The following PAQR3 variants were observed in gnomAD, a reference collection of about 807,000 sequenced individuals.
The protein encoded by PAQR3 is Raf kinase trapping to Golgi.
PAQR3 carries 39 observed loss-of-function variants against 41.7 expected under a neutral mutation model. The ratio of observed to expected loss-of-function variants is 0.93; its 90% CI spans 0.72 to 1.22. PAQR3 has a LOEUF of 1.22. Ranked by LOEUF, PAQR3 falls within the 50% of genes most tolerant of loss-of-function variation. PAQR3 has a pLI of 0.00. For missense variants in PAQR3, 366 were observed against 385.6 expected, an observed-to-expected ratio of 0.95 and a Z score of 0.42; for synonymous variants, 140 against 140.6, an observed-to-expected ratio of 1.00 and a Z score of 0.03.
chr4:78,928,062 A>G (rs1272895020), intron 3 of PAQR3, among the ~76,000 whole-genome samples: 1 of 152,260 alleles, frequency 6.6e-6, no homozygotes, highest in Non-Finnish European at 1.5e-5. Flanking sequence ...TATCAGCTTC[A>G]GCAGTTCCCT....
intron 11 of PAQR3, among the ~76,000 whole-genome samples, chr4:78,891,352 A>G (rs1440911408): frequency 6.6e-6 from 1 of 152,060 alleles, no homozygotes; most frequent in Non-Finnish European, 1.5e-5. Context: ...CTTGTTCTGA[A>G]TATTCAAGAT....
At chr4:78,904,518 A>G (rs1030347426) in intron 11 of PAQR3, among the ~76,000 whole-genome samples, 1 of 151,930 alleles carries the variant, frequency 6.6e-6, no homozygotes, top group Admixed American at 6.6e-5. Flanking sequence ...TTAAAACTTT[A>G]TAACCTATCA....
chr4:78,938,160 T>C (rs1019475483), intron 1 of PAQR3, among the ~76,000 whole-genome samples: 2 of 152,248 alleles, frequency 1.3e-5, no homozygotes, highest in Non-Finnish European at 2.9e-5. Context: ...ACAGCCCACA[T>C]TCTGGCACTA....
exon 13 of PAQR3, chr4:78,887,139 T>G (rs1216480047): frequency 1.5e-6 from 2 of 1,363,346 alleles, no homozygotes; most frequent in African/African-American, 2.9e-5. Flanking sequence ...TTTATTTCAT[T>G]TCATTTTTTA....
At position 78,914,006 on chromosome 4, in the gene PAQR3, A is replaced by G. The variant is rs2110115891; in HGVS notation, c.*6533T>C. On this transcript the variant is annotated 3_prime_UTR_variant, in exon 6 of 6. Transcript: ENST00000512733. ...TAGATTCAAGTGATACTTTCTTTTA[A>G]AAGTGAAGAGTTGATGATTACACAT... 6.6e-6 allele frequency: 1 copy of G among 152,202 alleles called. No individual in the cohort carries two copies. Among genetic ancestry groups the G allele is most frequent in the South Asian group, 2.1e-4 (1 of 4,822 alleles). The allele number at this position is 152,202 out of a possible 1,614,324, so 9.4% of individuals were successfully genotyped here.
rs552396058 is a variant in PAQR3 at position 78,893,795 on chromosome 4, C to T, written c.*837-5647G>A. 5.5e-4 allele frequency among the ~76,000 whole-genome samples: 84 copies of T among 152,270 alleles called. 1 individual carries two copies. Among genetic ancestry groups the T allele is most frequent in the African/African-American group, 2.0e-3 (82 of 41,566 alleles). ...GCCCAGGTTCGTCTTGAACTCCTGG[C>T]CTCAAGCAGCCCTCTCACCTCAACC... On this transcript the variant is annotated intron_variant and NMD_transcript_variant, in intron 11 of 12. Transcript: ENST00000342820.
In PAQR3 at chr4:78,926,610, TAGAA is replaced by T; in HGVS notation, c.609_612del (p.Ile205SerfsTer10). ...TATCCCGAAACAGAACAAAAGATGA[TAGAA>T]CGGAGCCTTTGCCATTGCTGCGTGA... is the stretch of plus-strand genomic sequence containing the variant. On this transcript the variant is annotated frameshift_variant, in exon 4 of 6. Coordinates refer to ENST00000512733, the MANE Select transcript of PAQR3 (RefSeq NM_001040202.2). LOFTEE classifies it high-confidence loss of function. 1 of 1,613,900 alleles carries T rather than the reference TAGAA, an allele frequency of 6.2e-7. No homozygotes were observed. The highest frequency in any genetic ancestry group is 1.3e-5 in the African/African-American group (1 of 75,010).
chr4:78,897,461 G>A (rs547516032), intron 11 of PAQR3, among the ~76,000 whole-genome samples: 1 of 152,116 alleles, frequency 6.6e-6, no homozygotes, highest in African/African-American at 2.4e-5. Context: ...AATTTATAAT[G>A]AAAAATTAAC....
At chr4:78,895,925 C>CTAATTTTT (rs1733678628) in intron 11 of PAQR3, among the ~76,000 whole-genome samples, 1 of 151,974 alleles carries the variant, frequency 6.6e-6, no homozygotes, top group African/African-American at 2.4e-5. Context: ...CCTCGCCCAG[C>CTAATTTTT]TAATTTTTTA....
At chr4:78,890,404 G>GCACACACACACA (rs149825379) in intron 11 of PAQR3, among the ~76,000 whole-genome samples, 35 of 147,968 alleles carry the variant, frequency 2.4e-4, no homozygotes, top group African/African-American at 8.1e-4. Context: ...ACAATCATGC[G>GCACACACACACA]CACACACACA....
At position 78,915,662 on chromosome 4, in the gene PAQR3, A is replaced by G. The variant is rs981230001; in HGVS notation, c.*4877T>C. 3.3e-5 allele frequency: 5 copies of G among 151,898 alleles called. No homozygotes were observed. The highest frequency in any genetic ancestry group is 1.2e-4 in the African/African-American group (5 of 41,406). The allele number at this position is 151,898 out of a possible 1,614,324, so 9.4% of individuals were successfully genotyped here. On this transcript the variant is annotated 3_prime_UTR_variant, in exon 6 of 6. Transcript: ENST00000512733. ...ACACACATGCATGTCACATCTCTCT[A>G]CTGTGGAGTTAATGTGAATTTTTAA...
In PAQR3 at chr4:78,891,786, G is replaced by T. The variant is rs188444840; in HGVS notation, c.*837-3638C>A. Among the ~76,000 whole-genome samples, 393 of 152,232 alleles carry T rather than the reference G, an allele frequency of 2.6e-3. 1 individual carries two copies. Among genetic ancestry groups the T allele is most frequent in the Non-Finnish European group, 4.4e-3 (302 of 67,992 alleles). On this transcript the variant is annotated intron_variant and NMD_transcript_variant, in intron 11 of 12. Coordinates refer to the PAQR3 transcript ENST00000342820. Reference sequence around the variant, plus strand: ...GTAAATTATTTTCTTCCCAGAGAAGGTAGCCTTAAACTGAGACCTGAAGGA... The same window carrying T: ...GTAAATTATTTTCTTCCCAGAGAAGTTAGCCTTAAACTGAGACCTGAAGGA...
chr4:78,905,185 T>C (rs763874902), intron 11 of PAQR3, among the ~76,000 whole-genome samples: 2 of 151,898 alleles, frequency 1.3e-5, no homozygotes, highest in Non-Finnish European at 2.9e-5. Context: ...TTTACAGATA[T>C]TGGTTGATCA....
Position 78,919,957 on chromosome 4 carries a change from A to C in PAQR3, c.*582T>G, listed in dbSNP as rs1260950436. 2 of 985,320 alleles carry C rather than the reference A, an allele frequency of 2.0e-6. No individual in the cohort carries two copies. Among genetic ancestry groups the C allele is most frequent in the Non-Finnish European group, 2.4e-6 (2 of 829,578 alleles). The allele number at this position is 985,320 out of a possible 1,614,324, so 61.0% of individuals were successfully genotyped here. ...GAAGTTTAAAGCTTTTGTTCTGGAA[A>C]ACTAAAATATCTAATGTTCTTAGGG... On this transcript the variant is annotated 3_prime_UTR_variant, in exon 6 of 6. Transcript: ENST00000512733.
rs960774633 is a variant in PAQR3, at chr4:78,913,408, A to G, written c.*7131T>C. Reference sequence around the variant, plus strand: ...AATCATTTAATGATAGAGATTACATATGTGAATTAATGTGAATATAGTATC... The same window carrying G: ...AATCATTTAATGATAGAGATTACATGTGTGAATTAATGTGAATATAGTATC... On this transcript the variant is annotated 3_prime_UTR_variant, in exon 6 of 6. Transcript: ENST00000512733. The G allele has an allele frequency of 9.9e-5, 15 of 152,148 alleles. 1 individual carries two copies. Among genetic ancestry groups the G allele is most frequent in the Admixed American group, 2.0e-4 (3 of 15,278 alleles). 9.4% of individuals were successfully genotyped at this position (152,148 alleles called of 1,614,324 possible). A position where few individuals can be genotyped will look rare whatever the true frequency, so the allele number is the denominator to read the frequency against.
chr4:78,915,481 T>C lies in PAQR3; in HGVS notation c.*5058A>G, dbSNP rs1734964242. 1 of 151,958 alleles carries C rather than the reference T, an allele frequency of 6.6e-6. No homozygotes were observed. The highest frequency in any genetic ancestry group is 3.2e-3 in the Middle Eastern group (1 of 316). 9.4% of individuals were successfully genotyped at this position (151,958 alleles called of 1,614,324 possible). A position where few individuals can be genotyped will look rare whatever the true frequency, so the allele number is the denominator to read the frequency against. On this transcript the variant is annotated 3_prime_UTR_variant, in exon 6 of 6. Transcript: ENST00000512733. ...AACTTTTTTCTCATTTTTTTTTCTT[T>C]TTAGCAAACTTGTTATTTTAGGTCC...
At position 78,933,366 on chromosome 4, in the gene PAQR3, A is replaced by G. The variant is rs148606144; in HGVS notation, c.348+1755T>C. 150 of 432,852 alleles carry G rather than the reference A, an allele frequency of 3.5e-4. 1 individual carries two copies. The East Asian group carries it at 8.1e-3, about 23-fold the overall frequency. The allele number at this position is 432,852 out of a possible 1,614,324, so 26.8% of individuals were successfully genotyped here. On this transcript the variant is annotated intron_variant, in intron 2 of 5. Transcript: ENST00000512733. ...GGAAGGTTCAAAGCCCCTCAATTAC[A>G]TTCTATTGTTCAGAATGTACTCTAT...
chr4:78,906,913 G>C (rs1235639241), downstream of PAQR3, among the ~76,000 whole-genome samples: 1 of 152,082 alleles, frequency 6.6e-6, no homozygotes, highest in African/African-American at 2.4e-5. Context: ...TGGTGACCTT[G>C]TCAGGATTAT....
chr4:78,935,012 A>T, intron 2 of PAQR3, 109 bp downstream of exon 2: 1 of 932,312 alleles, frequency 1.1e-6, no homozygotes, highest in Non-Finnish European at 1.6e-6. Context: ...CCAACATGCC[A>T]TTCCGGGGCT....
Sources: gnomAD v4.1 joint callset for allele counts (sites outside exome capture counted in the v4.1 genomes callset) on GRCh38, gnomAD v4.1.1 for gene constraint, MANE v1.5 for transcripts, NCBI Gene and HGNC (gene_info 2026-07-23, HGNC 2026-07-21) for gene names.